The following SHANK2 variants were observed in gnomAD, a reference collection of about 807,000 sequenced individuals.
SHANK2 encodes the protein SH3 and multiple ankyrin repeat domains 2, also known as SH3 and multiple ankyrin repeat domains protein 2.
In SHANK2, 43 loss-of-function variants were observed where a neutral mutation model predicts 133.7. The ratio of observed to expected loss-of-function variants is 0.32; its 90% CI spans 0.25 to 0.41. The LOEUF (loss-of-function observed/expected upper bound fraction) is 0.41. Among genes scored for constraint, SHANK2 ranks in the 10% least tolerant of loss-of-function variants. SHANK2 has a pLI of 1.00. For missense variants in SHANK2, 1,994 were observed against 2,235.8 expected, an observed-to-expected ratio of 0.89 and a Z score of 2.18; for synonymous variants, 1,017 against 952.8, an observed-to-expected ratio of 1.07 and a Z score of -1.24.
At chr11:71,246,352 G>A (rs1311133722) in intron 1 of SHANK2, among the ~76,000 whole-genome samples, 1 of 152,108 alleles carries the variant, frequency 6.6e-6, no homozygotes, top group African/African-American at 2.4e-5. Context: ...CTTGAGAAGA[G>A]GAGGGGACTG....
Position 70,489,975 on chromosome 11 carries a change from G to GC in SHANK2, c.2551+300dup. The stretch of plus-strand genomic sequence containing the variant: ...GAGGGGGGTTGGCTCGCACCACCCC[G>GC]CCCACCCTCCCGCTTTACCCTGCTG... On this transcript the variant is annotated intron_variant, in intron 23 of 25. Coordinates refer to ENST00000601538, the MANE Select transcript of SHANK2 (RefSeq NM_012309.5). 8 of 187,552 alleles carry GC rather than the reference G, an allele frequency of 4.3e-5. 1 individual carries two copies. The highest frequency in any genetic ancestry group is 8.1e-5 in the Non-Finnish European group (8 of 99,330). The allele number at this position is 187,552 out of a possible 1,614,324, so 11.6% of individuals were successfully genotyped here.
At chr11:71,058,581 G>A (rs936062688) in intron 9 of SHANK2, among the ~76,000 whole-genome samples, 6 of 152,318 alleles carry the variant, frequency 3.9e-5, no homozygotes, top group East Asian at 1.9e-4. Flanking sequence ...CTTGTGCCTC[G>A]GCAGCAGGGG....
intron 1 of SHANK2, among the ~76,000 whole-genome samples, chr11:71,233,068 T>A (rs1002114636): frequency 6.6e-6 from 1 of 152,036 alleles, no homozygotes; most frequent in Non-Finnish European, 1.5e-5. Flanking sequence ...TCCCAGCACT[T>A]TGGGGGGCCG....
In SHANK2 at chr11:70,504,006, C is replaced by T. The variant is rs1591513778; in HGVS notation, c.2062-1075G>A. Among the ~76,000 whole-genome samples the T allele has an allele frequency of 2.0e-5, 3 of 152,228 alleles. No individual in the cohort carries two copies. The South Asian group carries it at 6.2e-4, about 32-fold the overall frequency. On this transcript the variant is annotated intron_variant, in intron 17 of 25. Transcript: ENST00000601538. ...CTCTGGCACCTTCATCCCAGCAGCT[C>T]CTGAATGGGAGCGCAGCCCAGAGGC...
chr11:70,865,948 C>T (rs1396156780), intron 11 of SHANK2, among the ~76,000 whole-genome samples: 1 of 152,174 alleles, frequency 6.6e-6, no homozygotes, highest in East Asian at 1.9e-4. Context: ...GTGGCCCCTC[C>T]CTGGCAGTCC....
chr11:70,868,123 C>T (rs1394818415), intron 11 of SHANK2, among the ~76,000 whole-genome samples: 2 of 152,340 alleles, frequency 1.3e-5, no homozygotes, highest in Non-Finnish European at 2.9e-5. Flanking sequence ...ATTGAAGACA[C>T]AAATATGAAG....
chr11:70,634,527 C>G (rs1222613620), intron 17 of SHANK2: 1 of 152,150 alleles, frequency 6.6e-6, no homozygotes, highest in Non-Finnish European at 1.5e-5. Context: ...GTGCAGAAAA[C>G]TCTTACAACT....
At chr11:70,570,886 T>C (rs1460900893) in intron 17 of SHANK2, among the ~76,000 whole-genome samples, 3 of 152,196 alleles carry the variant, frequency 2.0e-5, no homozygotes, top group Admixed American at 6.5e-5. Context: ...ACTGGAAATA[T>C]GGGTGGGGCT....
intron 17 of SHANK2, among the ~76,000 whole-genome samples, chr11:70,582,273 C>T (rs1304290615): frequency 8.5e-5 from 13 of 152,246 alleles, no homozygotes; most frequent in Non-Finnish European, 7.3e-5. Flanking sequence ...CCTAACTGTC[C>T]CCACACATCC....
chr11:70,851,581 A>G (rs1949086744), intron 11 of SHANK2, among the ~76,000 whole-genome samples: 1 of 152,222 alleles, frequency 6.6e-6, no homozygotes, highest in African/African-American at 2.4e-5. Context: ...GAGTCCACAC[A>G]TGATGAAGCA....
intron 9 of SHANK2, among the ~76,000 whole-genome samples, chr11:71,061,103 CTG>C (rs1950981230): frequency 6.6e-6 from 1 of 152,260 alleles, no homozygotes. Flanking sequence ...AGGGTCCACA[CTG>C]TGGGAGGTGC....
chr11:70,882,969 C>A lies in SHANK2; in HGVS notation c.1174+13532G>T, dbSNP rs115164959. Among the ~76,000 whole-genome samples the A allele has an allele frequency of 6.2e-3, 947 of 152,166 alleles. 6 individuals are homozygous for A. The highest frequency in any genetic ancestry group is 0.021 in the African/African-American group (892 of 41,496). ...GCCTGCGGCCTGTGGGAGGGGAGGG[C>A]AGGAGCCAGGGTCCCAGAGGTCAAG... On this transcript the variant is annotated intron_variant, in intron 11 of 25. Transcript: ENST00000601538. This position sits in a 1 kb window ranked among gnomAD's most constrained non-coding sequence, Gnocchi z 4.2.
intron 25 of SHANK2, among the ~76,000 whole-genome samples, chr11:70,478,876 G>A (rs575541602): frequency 6.6e-6 from 1 of 152,244 alleles, no homozygotes. Flanking sequence ...GGGGCAGGCA[G>A]CCTGAGGCTC....
intron 17 of SHANK2, among the ~76,000 whole-genome samples, chr11:70,549,900 C>T (rs1420184369): frequency 1.3e-5 from 2 of 152,224 alleles, no homozygotes; most frequent in Non-Finnish European, 1.5e-5. Flanking sequence ...CCGGTTCACT[C>T]GCAGCCACCG....
Position 70,485,556 on chromosome 11 carries a change from C to T in SHANK2, c.4737G>A (p.Pro1579=), listed in dbSNP as rs782805096. ...EEDVDSFVIP[P]PAPPPPPGSA... ...TGCCCGGCGGGGGCGGGGGAGCGGG[C>T]GGGGGGATAACAAAGCTATCTACAT... The change falls in exon 25 of 26, where the codon CCG becomes CCA. Residue 1579 remains proline (P), a synonymous_variant. Transcript: ENST00000601538. This position sits in a 1 kb window ranked among gnomAD's most constrained non-coding sequence, Gnocchi z 5.8. 22 of 1,611,420 alleles carry T rather than the reference C, an allele frequency of 1.4e-5. No homozygotes were observed. Among genetic ancestry groups the T allele is most frequent in the South Asian group, 8.8e-5 (8 of 91,034 alleles).
At chr11:71,124,173 G>GTGATGGTGA (rs1243803643) in intron 3 of SHANK2, among the ~76,000 whole-genome samples, 11 of 40,270 alleles carry the variant, frequency 2.7e-4, no homozygotes, top group Non-Finnish European at 4.9e-4. Context: ...AGCGATGATG[G>GTGATGGTGA]TGATGGTGAT....
intron 3 of SHANK2, among the ~76,000 whole-genome samples, chr11:71,126,776 G>T (rs563961226): frequency 7.4e-5 from 11 of 149,352 alleles, no homozygotes; most frequent in African/African-American, 2.7e-4. Flanking sequence ...ACCCAGGCTG[G>T]AGTGCAGTGG....
At chr11:70,839,592 C>A (rs56308736) in intron 11 of SHANK2, among the ~76,000 whole-genome samples, 24,755 of 152,246 alleles carry the variant, frequency 0.16, 2,634 homozygotes, top group Non-Finnish European at 0.23. Flanking sequence ...CAGGAAAGGA[C>A]CACAGCCTTG....
At chr11:70,619,675 GCTGCCCAGGGAC>G (rs1246031826) in intron 17 of SHANK2, among the ~76,000 whole-genome samples, 55 of 152,306 alleles carry the variant, frequency 3.6e-4, no homozygotes, top group African/African-American at 1.2e-3. Context: ...CTGCAGAGAG[GCTGCCCAGGGAC>G]CCTTCCAGGC....
Sources: allele counts gnomAD v4.1 joint callset (sites outside exome capture counted in the v4.1 genomes callset), GRCh38; gene constraint gnomAD v4.1.1; non-coding constraint Gnocchi (gnomAD v3.1); transcripts MANE v1.5; gene names NCBI Gene and HGNC (gene_info 2026-07-23, HGNC 2026-07-21).